ISG20L2: variants seen among roughly 807,000 people sequenced by gnomAD.
The protein encoded by ISG20L2 is interferon-stimulated 20 kDa exonuclease-like 2.
Under a neutral mutation model 27.8 loss-of-function variants are expected in ISG20L2, and 14 were observed. That is an observed-to-expected ratio of 0.50 (90% CI 0.33 to 0.79). ISG20L2 has a LOEUF of 0.79. ISG20L2 is among the 30% of genes least tolerant of loss of function. ISG20L2 has a pLI of 0.02. For missense variants in ISG20L2, 393 were observed against 435.1 expected (o/e 0.90, Z 0.86); for synonymous variants, 157 against 165.7 (o/e 0.95, Z 0.40).
chr1:156,728,647 G>C lies in ISG20L2; in HGVS notation c.-350C>G. ...GTGGGTGGGGGCGGGGGCGGGATGCGCTCCCCGGCCCCTCTAGCCCCGTGG... is the reference window on the plus strand; with the variant it reads ...GTGGGTGGGGGCGGGGGCGGGATGCCCTCCCCGGCCCCTCTAGCCCCGTGG... On this transcript the variant is annotated 5_prime_UTR_variant, in exon 1 of 4. Coordinates refer to ENST00000368219, the MANE Select transcript of ISG20L2 (RefSeq NM_001370150.2). 1 of 986,166 alleles carries C rather than the reference G, an allele frequency of 1.0e-6. No individual in the cohort carries two copies. 61.1% of individuals were successfully genotyped at this position (986,166 alleles called of 1,614,324 possible). A position where few individuals can be genotyped will look rare whatever the true frequency, so the allele number is the denominator to read the frequency against.
At chr1:156,727,845 A>C in intron 1 of ISG20L2, 76 bp from the exon 2 acceptor site, 1 of 1,396,308 alleles carries the variant, frequency 7.2e-7, no homozygotes, top group East Asian at 2.6e-5. Context: ...TCTCCGTAGG[A>C]CTTATGGAAG....
rs1039529717 is a variant in ISG20L2, at chr1:156,724,263, G to A, written c.833C>T (p.Ser278Phe). ...GATATGGGAGGTGTCACGGGTGAGGGACTTGGGGTGAAAGTACTGAAGGGC... is the reference window on the plus strand; with the variant it reads ...GATATGGGAGGTGTCACGGGTGAGGAACTTGGGGTGAAAGTACTGAAGGGC... ...FKALQYFHPK[S>F]LTRDTSHIPP... is the part of the protein sequence containing the mutation. Residue 278 changes from serine (S) to phenylalanine (F), a missense_variant, in exon 3 of 4, where the codon TCC (serine) becomes TTC (phenylalanine). Ser to Phe is a radical substitution (Grantham distance 155, BLOSUM62 -2). This residue lies in a region of ISG20L2 where 171 missense variants were observed against 195.3 expected (regional missense o/e 0.88). Transcript: ENST00000368219. The A allele has an allele frequency of 1.9e-6, 3 of 1,613,966 alleles. No homozygotes were observed. The highest frequency in any genetic ancestry group is 2.7e-5 in the African/African-American group (2 of 74,858).
chr1:156,723,042 G>C lies in ISG20L2; in HGVS notation c.*307C>G, dbSNP rs1268889159. 6.7e-6 allele frequency: 2 copies of C among 299,542 alleles called. No homozygotes were observed. Among genetic ancestry groups the C allele is most frequent in the Non-Finnish European group, 1.3e-5 (2 of 158,990 alleles). 18.6% of individuals were successfully genotyped at this position (299,542 alleles called of 1,614,324 possible). A position where few individuals can be genotyped will look rare whatever the true frequency, so the allele number is the denominator to read the frequency against. Reference sequence around the variant, plus strand: ...CATTTCCCAGTATGCCCTGCCCCTTGAAAGTTAAAAATCTTAACTGGCACA... The same window carrying C: ...CATTTCCCAGTATGCCCTGCCCCTTCAAAGTTAAAAATCTTAACTGGCACA... On this transcript the variant is annotated 3_prime_UTR_variant, in exon 4 of 4. Coordinates refer to ENST00000368219, the MANE Select transcript of ISG20L2 (RefSeq NM_001370150.2).
In ISG20L2 at chr1:156,723,057, T is replaced by G. The variant is rs1327988705; in HGVS notation, c.*292A>C. 12 of 324,374 alleles carry G rather than the reference T, an allele frequency of 3.7e-5. No individual in the cohort carries two copies. The highest frequency in any genetic ancestry group is 5.7e-6 in the Non-Finnish European group (1 of 174,676). The allele number at this position is 324,374 out of a possible 1,614,324, so 20.1% of individuals were successfully genotyped here. On this transcript the variant is annotated 3_prime_UTR_variant, in exon 4 of 4. Coordinates refer to ENST00000368219, the MANE Select transcript of ISG20L2 (RefSeq NM_001370150.2). ...CCTGCCCCTTGAAAGTTAAAAATCT[T>G]AACTGGCACAGAGCACCCTGGGACA...
chr1:156,724,604 C>G (rs1648676527), intron 2 of ISG20L2: 5 of 1,245,374 alleles, frequency 4.0e-6, no homozygotes. Context: ...ATCTCCACCC[C>G]ATGACATTAA....
At chr1:156,725,232 G>A (rs1018581214) in intron 2 of ISG20L2, 4 of 152,158 alleles carry the variant, frequency 2.6e-5, no homozygotes, top group African/African-American at 9.7e-5. Context: ...TTACAGGTGT[G>A]AGCCACCACA....
chr1:156,727,526 T>A lies in ISG20L2; in HGVS notation c.127A>T (p.Lys43Ter). The A allele has an allele frequency of 1.2e-6, 2 of 1,614,190 alleles. No homozygotes were observed. Among genetic ancestry groups the A allele is most frequent in the Non-Finnish European group, 8.5e-7 (1 of 1,180,028 alleles). ...GCCTTGCTAGGGGGTTGGTTCTTTTTACTCAGAAAGCCTCTCCGTTCTAAG... is the reference window on the plus strand; with the variant it reads ...GCCTTGCTAGGGGGTTGGTTCTTTTAACTCAGAAAGCCTCTCCGTTCTAAG... ...RLLERRGFLS[K>*]KNQPPSKAPK... is the part of the protein sequence containing the mutation. Residue 43 changes from lysine (K) to a stop codon, truncating the protein, a stop_gained, in exon 2 of 4, where the codon AAA becomes TAA. Coordinates refer to ENST00000368219, the MANE Select transcript of ISG20L2 (RefSeq NM_001370150.2). LOFTEE classifies it high-confidence loss of function.
At chr1:156,725,887 C>A in intron 2 of ISG20L2, 1 of 985,512 alleles carries the variant, frequency 1.0e-6, no homozygotes, top group Non-Finnish European at 1.2e-6. Context: ...CAACTGACCG[C>A]ATATAAGGCA....
chr1:156,726,114 G>T (rs1023677840), intron 2 of ISG20L2: 18 of 985,296 alleles, frequency 1.8e-5, no homozygotes, highest in Non-Finnish European at 2.2e-5. Flanking sequence ...CGAAGTGCCG[G>T]CCCTGTGCCG....
At chr1:156,726,017 CCT>C in intron 2 of ISG20L2, 1 of 985,606 alleles carries the variant, frequency 1.0e-6, no homozygotes, top group Non-Finnish European at 1.2e-6. Context: ...CCCTTCACTT[CCT>C]CTTTCACCCC....
Position 156,723,292 on chromosome 1 carries a change from C to T in ISG20L2, c.*57G>A. On this transcript the variant is annotated 3_prime_UTR_variant, in exon 4 of 4. Coordinates refer to ENST00000368219, the MANE Select transcript of ISG20L2 (RefSeq NM_001370150.2). ...GTGGAGCTGTCCATTGGTCCACTGC[C>T]CTGTTTCTCCTGGGTGCTGCCTCTG... 1 of 1,607,066 alleles carries T rather than the reference C, an allele frequency of 6.2e-7. No individual in the cohort carries two copies. Among genetic ancestry groups the T allele is most frequent in the Non-Finnish European group, 8.5e-7 (1 of 1,175,538 alleles).
chr1:156,724,693 C>CT, intron 2 of ISG20L2: 2 of 1,036,116 alleles, frequency 1.9e-6, no homozygotes, highest in Non-Finnish European at 2.3e-6. Context: ...ACATGAAGTC[C>CT]TTTAACTATT....
At chr1:156,724,414 G>A in intron 2 of ISG20L2, 66 bp from the exon 3 acceptor site, 2 of 1,462,192 alleles carry the variant, frequency 1.4e-6, no homozygotes, top group East Asian at 2.4e-5. Flanking sequence ...CATTCTGAAA[G>A]CCCAACATGA....
At position 156,727,329 on chromosome 1, in the gene ISG20L2, CT is replaced by C; in HGVS notation, c.323del (p.Lys108ArgfsTer9). Reference protein sequence around the residue: ...VSWLTPAPSKKADSVAAKVDL... With the variant: ...VSWLTPAPSKXADSVAAKVDL... The stretch of plus-strand genomic sequence containing the variant: ...CTACTTTAGCAGCAACAGAATCAGC[CT>C]TTTTTGAAGGGGCAGGGGTCAACCA... On this transcript the variant is annotated frameshift_variant, in exon 2 of 4. Coordinates refer to ENST00000368219, the MANE Select transcript of ISG20L2 (RefSeq NM_001370150.2). LOFTEE classifies it high-confidence loss of function. The C allele has an allele frequency of 6.2e-7, 1 of 1,614,140 alleles. No homozygotes were observed. The highest frequency in any genetic ancestry group is 8.5e-7 in the Non-Finnish European group (1 of 1,180,020).
intron 3 of ISG20L2, 159 bp downstream of exon 3, chr1:156,723,989 A>G: frequency 8.6e-7 from 1 of 1,157,532 alleles, no homozygotes; most frequent in Non-Finnish European, 1.2e-6. Context: ...TATGAGGTAG[A>G]CAACAGGAAT....
chr1:156,726,020 C>G (rs1558013488), intron 2 of ISG20L2: 1 of 985,434 alleles, frequency 1.0e-6, no homozygotes, highest in Non-Finnish European at 1.2e-6. Flanking sequence ...TTCACTTCCT[C>G]TTTCACCCCT....
chr1:156,726,070 T>A, intron 2 of ISG20L2: 1 of 985,446 alleles, frequency 1.0e-6, no homozygotes, highest in Non-Finnish European at 1.2e-6. Flanking sequence ...TTGCGCTCCA[T>A]GGCCAGCACA....
At position 156,727,400 on chromosome 1, in the gene ISG20L2, T is replaced by G; in HGVS notation, c.253A>C (p.Ser85Arg). 6.2e-7 allele frequency: 1 copy of G among 1,614,174 alleles called. No homozygotes were observed. The highest frequency in any genetic ancestry group is 2.2e-5 in the East Asian group (1 of 44,886). Residue 85 changes from serine (S) to arginine (R), a missense_variant, in exon 2 of 4, where the codon AGC (serine) becomes CGC (arginine). Physicochemically the swap from Ser to Arg is moderately radical, Grantham distance 110 (BLOSUM62 -1). This residue lies in a region of ISG20L2 where 183 missense variants were observed against 168.2 expected (regional missense o/e 1.09). Transcript: ENST00000368219. ...SFPKKKTAAS[S>R]NGSGQPLDKK... ...TCCAGGGGCTGTCCTGACCCATTGC[T>G]GGAAGCAGCTGTCTTCTTTTTTGGG...
chr1:156,727,298 G>A lies in ISG20L2; in HGVS notation c.355C>T (p.Leu119=). The A allele has an allele frequency of 6.2e-7, 1 of 1,614,174 alleles. No homozygotes were observed. The highest frequency in any genetic ancestry group is 1.6e-4 in the Middle Eastern group (1 of 6,062). ...GGAAGGGCACTCTGGAACTCCCCCA[G>A]CAAATCTACTTTAGCAGCAACAGAA... The part of the protein sequence containing the change: ...ADSVAAKVDL[L]GEFQSALPKI... The change falls in exon 2 of 4, where the codon CTG becomes TTG. Residue 119 remains leucine (L), a synonymous_variant. Transcript: ENST00000368219.
Sources: gnomAD v4.1 joint callset for allele counts on GRCh38, gnomAD v4.1.1 for gene constraint, gnomAD v4.1.1 regional missense constraint, MANE v1.5 for transcripts, NCBI Gene and HGNC (gene_info 2026-07-23, HGNC 2026-07-21) for gene names.